RBFOX3: variants seen among roughly 807,000 people sequenced by gnomAD.
The protein encoded by RBFOX3 is RNA binding protein fox-1 homolog 3.
RBFOX3 carries 17 observed loss-of-function variants against 48.7 expected under a neutral mutation model. That is an observed-to-expected ratio of 0.35 (90% CI 0.24 to 0.52). The LOEUF (loss-of-function observed/expected upper bound fraction) is 0.52, where lower values mean the gene tolerates loss of function less well. Ranked by LOEUF, RBFOX3 falls within the 20% of genes least tolerant of loss-of-function variation. The probability of loss-of-function intolerance (pLI) is 0.94; values close to 1 mark genes in which losing one functional copy is unlikely to be tolerated. For synonymous variants in RBFOX3, 212 were observed against 209.5 expected, an observed-to-expected ratio of 1.01 and a Z score of -0.10; for missense variants, 382 against 497.5, an observed-to-expected ratio of 0.77 and a Z score of 2.21.
the RBFOX3 span, among the ~76,000 whole-genome samples, chr17:79,656,714 A>C: frequency 9.9e-4 from 140 of 141,284 alleles, 1 homozygote; most frequent in African/African-American, 3.7e-3. Context: ...GGAAGGAGAG[A>C]GAGAGAGACA....
rs1222472848 is a variant in RBFOX3, at chr17:79,242,629, AGCCATAAACTGTCACCATTAG to A, written c.-73-6845_-73-6825del. Among the ~76,000 whole-genome samples, 19 of 151,966 alleles carry A rather than the reference AGCCATAAACTGTCACCATTAG, an allele frequency of 1.3e-4. No individual in the cohort carries two copies. The highest frequency in any genetic ancestry group is 4.4e-4 in the African/African-American group (18 of 41,362). ...GGAGGGAATCTGGCTTATGGCTCTG[AGCCATAAACTGTCACCATTAG>A]GGAGACCGGGGAGTTCTGGCAGGTT... On this transcript the variant is annotated intron_variant, in intron 3 of 14. Coordinates refer to ENST00000693108, the MANE Select transcript of RBFOX3 (RefSeq NM_001350451.2). The surrounding 1 kb of genome is among the most constrained non-coding windows in gnomAD (Gnocchi z 5.8).
chr17:79,591,681 A>G (rs2093420034), intron 1 of RBFOX3, among the ~76,000 whole-genome samples: 1 of 152,122 alleles, frequency 6.6e-6, no homozygotes, highest in African/African-American at 2.4e-5. Context: ...GCCCCTGAAA[A>G]CAGAGCCTGG....
At chr17:79,165,375 C>A (rs1373925861) in intron 4 of RBFOX3, among the ~76,000 whole-genome samples, 1 of 152,216 alleles carries the variant, frequency 6.6e-6, no homozygotes, top group Non-Finnish European at 1.5e-5. Context: ...GAAGTGCCGG[C>A]TCCTCATTTC....
chr17:79,528,063 T>A (rs985721601), intron 1 of RBFOX3, among the ~76,000 whole-genome samples: 40 of 151,526 alleles, frequency 2.6e-4, no homozygotes, highest in Admixed American at 1.8e-3. Context: ...CTGAGGAGGA[T>A]CTTAGTTGAA....
chr17:79,543,343 G>A (rs782121384), intron 1 of RBFOX3, among the ~76,000 whole-genome samples: 5 of 152,092 alleles, frequency 3.3e-5, no homozygotes, highest in Non-Finnish European at 5.9e-5. Context: ...CCTGATAAAC[G>A]GAGGCTCAGA....
rs2076842085 is a variant in RBFOX3, at chr17:79,103,583, C to T, written c.415-329G>A. On this transcript the variant is annotated intron_variant, in intron 7 of 14. Coordinates refer to ENST00000693108, the MANE Select transcript of RBFOX3 (RefSeq NM_001350451.2). The surrounding 1 kb of genome is among the most constrained non-coding windows in gnomAD (Gnocchi z 6.1). ...ATACCTGACCACAGGCCAGGCCTGCCCCCTGAACCCCACCTTGGGGTAGGG... is the reference window on the plus strand; with the variant it reads ...ATACCTGACCACAGGCCAGGCCTGCTCCCTGAACCCCACCTTGGGGTAGGG... Among the ~76,000 whole-genome samples, 2 of 152,160 alleles carry T rather than the reference C, an allele frequency of 1.3e-5. No homozygotes were observed. Among genetic ancestry groups the T allele is most frequent in the African/African-American group, 2.4e-5 (1 of 41,432 alleles).
the RBFOX3 span, among the ~76,000 whole-genome samples, chr17:79,620,124 TACAC>T: frequency 1.8e-5 from 2 of 111,742 alleles, no homozygotes; most frequent in East Asian, 3.2e-4. Context: ...TATGCACACA[TACAC>T]ACATGCACAC....
chr17:79,628,312 C>T, the RBFOX3 span, among the ~76,000 whole-genome samples: 1 of 152,162 alleles, frequency 6.6e-6, no homozygotes, highest in Non-Finnish European at 1.5e-5. Context: ...GCGCTTCCTG[C>T]TCAGACCTCT....
the RBFOX3 span, among the ~76,000 whole-genome samples, chr17:79,647,735 C>T: frequency 6.6e-6 from 1 of 152,166 alleles, no homozygotes; most frequent in Non-Finnish European, 1.5e-5. Flanking sequence ...CCTTGTGGCT[C>T]AGGGCTTCGA....
intron 2 of RBFOX3, among the ~76,000 whole-genome samples, chr17:79,352,133 T>C (rs2147015991): frequency 6.6e-6 from 1 of 152,326 alleles, no homozygotes; most frequent in East Asian, 1.9e-4. Context: ...TGTTATGGTT[T>C]GGCTCTGTGT....
At chr17:79,325,643 A>G (rs73423410) in intron 2 of RBFOX3, among the ~76,000 whole-genome samples, 1 of 152,216 alleles carries the variant, frequency 6.6e-6, no homozygotes, top group African/African-American at 2.4e-5. Context: ...AAAATAATCA[A>G]TCAATAAAAA....
chr17:79,555,550 GTGA>G (rs2085856695), intron 1 of RBFOX3, among the ~76,000 whole-genome samples: 1 of 128,230 alleles, frequency 7.8e-6, no homozygotes, highest in Non-Finnish European at 1.7e-5. Context: ...GGTGATGGTG[GTGA>G]TGATGGTAGT....
chr17:79,333,534 C>G (rs2080731668), intron 2 of RBFOX3, among the ~76,000 whole-genome samples: 1 of 152,298 alleles, frequency 6.6e-6, no homozygotes, highest in East Asian at 1.9e-4. Context: ...AAGTGAAAAC[C>G]TCGCTCAGAG....
intron 2 of RBFOX3, among the ~76,000 whole-genome samples, chr17:79,358,074 G>GTGGC (rs887245367): frequency 1.2e-4 from 19 of 152,046 alleles, no homozygotes; most frequent in African/African-American, 4.6e-4. Context: ...AGCCTCCCAA[G>GTGGC]TGGCTGGGAC....
intron 4 of RBFOX3, among the ~76,000 whole-genome samples, chr17:79,191,554 C>T (rs550850843): frequency 2.0e-5 from 3 of 152,274 alleles, no homozygotes; most frequent in East Asian, 3.9e-4. Context: ...TGGCAGAGTG[C>T]GTGGCCCTGG....
At chr17:79,414,737 G>C (rs2065029085) in intron 2 of RBFOX3, among the ~76,000 whole-genome samples, 1 of 152,228 alleles carries the variant, frequency 6.6e-6, no homozygotes, top group African/African-American at 2.4e-5. Flanking sequence ...TGGGAAGACA[G>C]CGTGCCCACG....
intron 1 of RBFOX3, among the ~76,000 whole-genome samples, chr17:79,499,284 C>T (rs2082068717): frequency 6.6e-6 from 1 of 152,020 alleles, no homozygotes; most frequent in Non-Finnish European, 1.5e-5. Flanking sequence ...ACCCATCTAC[C>T]ATCCATTTAT....
At position 79,479,259 on chromosome 17, in the gene RBFOX3, G is replaced by A. The variant is rs2078425574; in HGVS notation, c.-175+3195C>T. On this transcript the variant is annotated intron_variant, in intron 2 of 14. Coordinates refer to ENST00000693108, the MANE Select transcript of RBFOX3 (RefSeq NM_001350451.2). The surrounding 1 kb of genome is among the most constrained non-coding windows in gnomAD (Gnocchi z 5.1). ...TGGCGGCCCCTTCTCTGAAGCCCAT[G>A]TCCAGGCTGCAGGGAGAACCCAGGA... 6.6e-6 allele frequency among the ~76,000 whole-genome samples: 1 copy of A among 152,214 alleles called. No individual in the cohort carries two copies. Among genetic ancestry groups the A allele is most frequent in the South Asian group, 2.1e-4 (1 of 4,830 alleles).
At position 79,216,070 on chromosome 17, in the gene RBFOX3, C is replaced by T. The variant is rs76289218; in HGVS notation, c.-34+19696G>A. ...CTGCCCCCAAGCGTCCTCAGCCCAG[C>T]GGGGGTCAAGATGTAACTGTCTGGG... On this transcript the variant is annotated intron_variant, in intron 4 of 14. Coordinates refer to ENST00000693108, the MANE Select transcript of RBFOX3 (RefSeq NM_001350451.2). Among the ~76,000 whole-genome samples the T allele has an allele frequency of 2.3e-4, 35 of 152,358 alleles. No homozygotes were observed. The East Asian group carries it at 6.0e-3, about 26-fold the overall frequency.
Sources: gnomAD v4.1 joint callset for allele counts (sites outside exome capture counted in the v4.1 genomes callset) on GRCh38, gnomAD v4.1.1 for gene constraint, Gnocchi (gnomAD v3.1) non-coding constraint, MANE v1.5 for transcripts, NCBI Gene and HGNC (gene_info 2026-07-23, HGNC 2026-07-21) for gene names.